The following RAD51B variants were observed in gnomAD, a reference collection of about 807,000 sequenced individuals.
RAD51B encodes DNA repair protein RAD51 homolog 2.
Under a neutral mutation model 42.2 loss-of-function variants are expected in RAD51B, and 38 were observed. The observed-to-expected ratio is 0.90, with a 90% CI of 0.70 to 1.18. The LOEUF is 1.18. Ranked by LOEUF, RAD51B falls within the 50% of genes most tolerant of loss-of-function variation. The pLI is 0.00. For missense variants in RAD51B, 373 were observed against 400.7 expected (o/e 0.93, Z 0.59); for synonymous variants, 154 against 145.2 (o/e 1.06, Z -0.43).
intron 7 of RAD51B, among the ~76,000 whole-genome samples, chr14:68,178,188 TA>T (rs891385441): frequency 2.0e-4 from 30 of 151,904 alleles, no homozygotes; most frequent in South Asian, 4.2e-4. Context: ...TAAGTAACTT[TA>T]AAAAAAAATT....
At chr14:68,430,457 C>T (rs1248819607) in intron 9 of RAD51B, among the ~76,000 whole-genome samples, 2 of 152,086 alleles carry the variant, frequency 1.3e-5, no homozygotes, top group Non-Finnish European at 2.9e-5. Context: ...TTGAAGAGGT[C>T]CTTCACATCC....
At chr14:68,332,359 AT>A (rs1235972847) in intron 8 of RAD51B, among the ~76,000 whole-genome samples, 1 of 152,140 alleles carries the variant, frequency 6.6e-6, no homozygotes, top group African/African-American at 2.4e-5. Flanking sequence ...TTGGTCATTT[AT>A]TTTTTTAACA....
intron 10 of RAD51B, among the ~76,000 whole-genome samples, chr14:68,527,348 G>T (rs188869368): frequency 6.6e-6 from 1 of 152,336 alleles, no homozygotes; most frequent in African/African-American, 2.4e-5. Flanking sequence ...TGGGATGTGG[G>T]GGAAGGGGAC....
chr14:68,135,825 G>T (rs1172375324), intron 7 of RAD51B, among the ~76,000 whole-genome samples: 1 of 152,160 alleles, frequency 6.6e-6, no homozygotes, highest in Non-Finnish European at 1.5e-5. Flanking sequence ...TTCTTGCCAA[G>T]TAGAGAAATT....
At chr14:68,649,683 G>A (rs1892660504) in intron 10 of RAD51B, among the ~76,000 whole-genome samples, 1 of 152,182 alleles carries the variant, frequency 6.6e-6, no homozygotes, top group Non-Finnish European at 1.5e-5. Flanking sequence ...CCCACCCTTG[G>A]TCCAGTCATG....
rs534320190 is a variant in RAD51B, at chr14:68,017,310, C to T, written c.756+130106C>T. Among the ~76,000 whole-genome samples the T allele has an allele frequency of 2.0e-5, 3 of 152,134 alleles. No homozygotes were observed. In the South Asian group the frequency reaches 6.2e-4, roughly 32 times the overall value. ...TCCTAGGTTCAAGTTATTCTTCTGC[C>T]TCAGCCTCCTGACTAGCTGGAACTA... On this transcript the variant is annotated intron_variant, in intron 7 of 10. Transcript: ENST00000471583.
At chr14:68,604,719 C>A (rs1891373007) in intron 10 of RAD51B, among the ~76,000 whole-genome samples, 1 of 152,208 alleles carries the variant, frequency 6.6e-6, no homozygotes, top group Non-Finnish European at 1.5e-5. Context: ...ATGGGCCCTC[C>A]TCCTCACTGA....
At chr14:68,413,984 G>T (rs17105586) in intron 9 of RAD51B, among the ~76,000 whole-genome samples, 90,429 of 151,522 alleles carry the variant, frequency 0.6, 27,457 homozygotes, top group Admixed American at 0.68. Context: ...AGGGATCAAG[G>T]TTATGGGATG....
intron 9 of RAD51B, among the ~76,000 whole-genome samples, chr14:68,451,052 C>G (rs113874856): frequency 6.6e-6 from 1 of 152,116 alleles, no homozygotes; most frequent in Non-Finnish European, 1.5e-5. Context: ...AGCTTCAGGG[C>G]CCTCTGTTTC....
At chr14:68,577,742 T>TCACACA (rs139667426) in intron 10 of RAD51B, among the ~76,000 whole-genome samples, 8 of 149,660 alleles carry the variant, frequency 5.3e-5, no homozygotes, top group African/African-American at 7.4e-5. Context: ...ACCTCTCTCA[T>TCACACA]CACACACACA....
At chr14:67,880,233 CATTGGCAATAAAT>C (rs1242617052) in intron 5 of RAD51B, among the ~76,000 whole-genome samples, 1 of 152,204 alleles carries the variant, frequency 6.6e-6, no homozygotes, top group Non-Finnish European at 1.5e-5. Flanking sequence ...TGAATTTTAT[CATTGGCAATAAAT>C]ATTGCCACTT....
chr14:68,272,936 G>A (rs761093282), intron 7 of RAD51B, among the ~76,000 whole-genome samples: 3 of 150,940 alleles, frequency 2.0e-5, no homozygotes, highest in African/African-American at 4.9e-5. Flanking sequence ...CGCCTGCCTC[G>A]GCCTCCCAAA....
intron 7 of RAD51B, among the ~76,000 whole-genome samples, chr14:68,202,384 C>G (rs1203587281): frequency 6.6e-6 from 1 of 152,070 alleles, no homozygotes; most frequent in African/African-American, 2.4e-5. Flanking sequence ...TGTTTGATAA[C>G]ACTTAACCCA....
At chr14:67,914,530 T>C (rs751648325) in intron 7 of RAD51B, among the ~76,000 whole-genome samples, 3 of 152,218 alleles carry the variant, frequency 2.0e-5, no homozygotes, top group Non-Finnish European at 4.4e-5. Flanking sequence ...AAGATCTTTT[T>C]GTACTTTTTT....
intron 10 of RAD51B, among the ~76,000 whole-genome samples, chr14:68,550,510 G>T (rs1320605915): frequency 6.6e-6 from 1 of 152,222 alleles, no homozygotes; most frequent in Non-Finnish European, 1.5e-5. Flanking sequence ...CCTAGAAGAG[G>T]TGTGCCTGGT....
At chr14:68,336,984 C>G (rs1309433486) in intron 8 of RAD51B, among the ~76,000 whole-genome samples, 1 of 152,222 alleles carries the variant, frequency 6.6e-6, no homozygotes, top group East Asian at 1.9e-4. Context: ...TCATCTACCT[C>G]AGAAAAGTTC....
intron 10 of RAD51B, among the ~76,000 whole-genome samples, chr14:68,499,528 G>A (rs1884775277): frequency 6.6e-6 from 1 of 152,194 alleles, no homozygotes; most frequent in Admixed American, 6.5e-5. Context: ...CTCCCAAAAA[G>A]ATACGTCCAT....
intron 7 of RAD51B, among the ~76,000 whole-genome samples, chr14:68,105,556 T>C (rs2077362518): frequency 6.6e-6 from 1 of 151,948 alleles, no homozygotes; most frequent in Admixed American, 6.6e-5. Context: ...TGTTTTTTAC[T>C]AAGTATGCAT....
intron 9 of RAD51B, among the ~76,000 whole-genome samples, chr14:68,411,876 A>G (rs2084430835): frequency 6.6e-6 from 1 of 152,234 alleles, no homozygotes; most frequent in Non-Finnish European, 1.5e-5. Context: ...TATGAATTAA[A>G]TAATGATGAT....
Sources: allele counts gnomAD v4.1 joint callset (sites outside exome capture counted in the v4.1 genomes callset), GRCh38; gene constraint gnomAD v4.1.1; transcripts MANE v1.5; gene names NCBI Gene and HGNC (gene_info 2026-07-23, HGNC 2026-07-21).